The following GRIK4 variants were observed in gnomAD, a reference collection of about 807,000 sequenced individuals.
The protein encoded by GRIK4 is glutamate receptor ionotropic, kainate 4.
In GRIK4, 40 loss-of-function variants were observed where a neutral mutation model predicts 104.9. That is an observed-to-expected ratio of 0.38 (90% confidence interval 0.30 to 0.50). GRIK4 has a LOEUF of 0.50. Ranked by LOEUF, GRIK4 falls within the 20% of genes least tolerant of loss-of-function variation. GRIK4 has a pLI of 0.93. For synonymous variants in GRIK4, 485 were observed against 524.9 expected (o/e 0.92, Z 1.04); for missense variants, 1,047 against 1,308.1 (o/e 0.80, Z 3.08).
intron 3 of GRIK4, among the ~76,000 whole-genome samples, chr11:120,766,377 A>G (rs1480147290): frequency 6.6e-6 from 1 of 152,198 alleles, no homozygotes; most frequent in African/African-American, 2.4e-5. Context: ...AGTGGATCCT[A>G]GCTTGCTGGG....
chr11:120,702,233 C>T lies in GRIK4; in HGVS notation c.82+41833C>T, dbSNP rs145787823. 8.7e-4 allele frequency among the ~76,000 whole-genome samples: 132 copies of T among 152,052 alleles called. 1 individual carries two copies. In the Middle Eastern group the frequency reaches 0.017, roughly 20 times the overall value. On this transcript the variant is annotated intron_variant, in intron 3 of 20. Transcript: ENST00000527524. Reference sequence around the variant, plus strand: ...CCTCCCAAAGTGCTGGGATTACAGGCGTGAGCCACTGCGCCTGGCGACTCC... The same window carrying T: ...CCTCCCAAAGTGCTGGGATTACAGGTGTGAGCCACTGCGCCTGGCGACTCC...
chr11:120,871,302 G>A (rs911090207), intron 9 of GRIK4: 4 of 245,636 alleles, frequency 1.6e-5, no homozygotes, highest in African/African-American at 8.9e-5. Flanking sequence ...ATTAATAAAA[G>A]AGCCACATGT....
chr11:120,957,050 T>A (rs973225914), intron 16 of GRIK4, 97 bp downstream of exon 16: 5 of 1,101,026 alleles, frequency 4.5e-6, no homozygotes, highest in Non-Finnish European at 5.0e-6. Context: ...CCCCAGAGCC[T>A]CTGCCTCTTA....
At chr11:120,773,137 AC>A (rs1355768372) in intron 3 of GRIK4, among the ~76,000 whole-genome samples, 1 of 152,170 alleles carries the variant, frequency 6.6e-6, no homozygotes, top group Non-Finnish European at 1.5e-5. Flanking sequence ...TGATGGTCAA[AC>A]TGGGACATAG....
At chr11:120,535,135 C>T (rs1188099267) in intron 1 of GRIK4, among the ~76,000 whole-genome samples, 3 of 152,066 alleles carry the variant, frequency 2.0e-5, no homozygotes, top group Admixed American at 6.6e-5. Flanking sequence ...TCACTAAATG[C>T]GGAGCTGGGA....
chr11:120,891,201 C>T (rs1278430908), intron 11 of GRIK4, among the ~76,000 whole-genome samples: 1 of 152,166 alleles, frequency 6.6e-6, no homozygotes, highest in East Asian at 1.9e-4. Flanking sequence ...CTGTGGGCCT[C>T]CAGGACTGGT....
At chr11:120,912,473 G>A (rs1163531157) in intron 13 of GRIK4, among the ~76,000 whole-genome samples, 1 of 152,202 alleles carries the variant, frequency 6.6e-6, no homozygotes, top group South Asian at 2.1e-4. Context: ...TGCTGAAAGA[G>A]AATGGGTAAA....
chr11:120,964,184 G>GT (rs2134741049), intron 18 of GRIK4, among the ~76,000 whole-genome samples: 1 of 152,026 alleles, frequency 6.6e-6, no homozygotes, highest in South Asian at 2.1e-4. Flanking sequence ...TAGAGACGGG[G>GT]TTTCACCATG....
At chr11:120,574,464 A>G (rs1306491779) in intron 1 of GRIK4, among the ~76,000 whole-genome samples, 1 of 152,138 alleles carries the variant, frequency 6.6e-6, no homozygotes, top group Non-Finnish European at 1.5e-5. Flanking sequence ...CTTTTTGCAC[A>G]TGAGGACACG....
At chr11:120,692,284 T>G (rs1375818543) in intron 3 of GRIK4, among the ~76,000 whole-genome samples, 1 of 152,190 alleles carries the variant, frequency 6.6e-6, no homozygotes, top group Non-Finnish European at 1.5e-5. Context: ...CCAGGAAGAT[T>G]TTTAAGGCTC....
Position 120,953,086 on chromosome 11 carries a change from A to T in GRIK4, c.1700+122A>T. ...AGGAGTTGGGAAGATCTTGGTGCCA[A>T]ACTAGAAGGACAGGAGAAGGACTGG... On this transcript the variant is annotated intron_variant, in intron 15 of 20. Transcript: ENST00000527524. The surrounding 1 kb of genome is among the most constrained non-coding windows in gnomAD (Gnocchi z 4.9). 1 of 663,696 alleles carries T rather than the reference A, an allele frequency of 1.5e-6. No individual in the cohort carries two copies. Among genetic ancestry groups the T allele is most frequent in the East Asian group, 2.6e-5 (1 of 37,876 alleles). The allele number at this position is 663,696 out of a possible 1,614,324, so 41.1% of individuals were successfully genotyped here.
intron 11 of GRIK4, among the ~76,000 whole-genome samples, chr11:120,886,247 C>G (rs1955116714): frequency 6.6e-6 from 1 of 152,236 alleles, no homozygotes; most frequent in Non-Finnish European, 1.5e-5. Flanking sequence ...CTTGTTTCAG[C>G]TCTCATACTG....
intron 1 of GRIK4, among the ~76,000 whole-genome samples, chr11:120,531,112 A>C (rs1947919032): frequency 6.6e-6 from 1 of 152,152 alleles, no homozygotes; most frequent in Admixed American, 6.5e-5. Context: ...ATATTTGGAG[A>C]CAGCTCTCTT....
chr11:120,984,510 T>C (rs969023287), intron 20 of GRIK4, among the ~76,000 whole-genome samples: 3 of 152,204 alleles, frequency 2.0e-5, no homozygotes, highest in African/African-American at 7.2e-5. Flanking sequence ...GGCTCACGCC[T>C]GTAATCCTAG....
intron 19 of GRIK4, among the ~76,000 whole-genome samples, chr11:120,979,493 GT>G (rs1200176219): frequency 6.6e-6 from 1 of 152,148 alleles, no homozygotes. Flanking sequence ...AAATGTAAGT[GT>G]TTTTAAGGGC....
At chr11:120,621,996 G>C (rs567442594) in intron 1 of GRIK4, among the ~76,000 whole-genome samples, 1 of 152,018 alleles carries the variant, frequency 6.6e-6, no homozygotes, top group African/African-American at 2.4e-5. Flanking sequence ...CACCTCCTGG[G>C]TTCAAGCGAT....
chr11:120,635,389 G>A (rs1041129465), intron 1 of GRIK4, among the ~76,000 whole-genome samples: 2 of 152,236 alleles, frequency 1.3e-5, no homozygotes, highest in South Asian at 2.1e-4. Flanking sequence ...TGAGTCCTGC[G>A]TGCCGCAGTC....
At chr11:120,839,716 G>C (rs1332723456) in intron 8 of GRIK4, among the ~76,000 whole-genome samples, 1 of 152,200 alleles carries the variant, frequency 6.6e-6, no homozygotes, top group African/African-American at 2.4e-5. Flanking sequence ...GGGTTTATTT[G>C]TGTCGGTAAT....
intron 13 of GRIK4, among the ~76,000 whole-genome samples, chr11:120,912,697 A>G (rs1943026474): frequency 6.6e-6 from 1 of 152,182 alleles, no homozygotes; most frequent in South Asian, 2.1e-4. Context: ...AGCAAGGTAA[A>G]GGGTTGTAGC....
Sources: allele counts gnomAD v4.1 joint callset (sites outside exome capture counted in the v4.1 genomes callset), GRCh38; gene constraint gnomAD v4.1.1; non-coding constraint Gnocchi (gnomAD v3.1); transcripts MANE v1.5; gene names NCBI Gene and HGNC (gene_info 2026-07-23, HGNC 2026-07-21).